BOD1L1: variants seen among roughly 807,000 people sequenced by gnomAD.
BOD1L1 encodes biorientation of chromosomes in cell division 1 like 1, also known as biorientation of chromosomes in cell division protein 1-like 1.
BOD1L1 carries 86 observed loss-of-function variants against 240.7 expected under a neutral mutation model. The ratio of observed to expected loss-of-function variants is 0.36; its 90% CI spans 0.30 to 0.43. The LOEUF is 0.43. Ranked by LOEUF, BOD1L1 falls within the 20% of genes least tolerant of loss-of-function variation. The pLI, the probability that BOD1L1 is intolerant of heterozygous loss-of-function variation, is 1.00. For synonymous variants in BOD1L1, 1,268 were observed against 1,272.3 expected (o/e 1.00, Z 0.07); for missense variants, 3,554 against 3,643.5 (o/e 0.98, Z 0.63).
At chr4:13,609,466 TG>T in intron 6 of BOD1L1, 60 bp from the exon 7 acceptor site, 6 of 1,152,096 alleles carry the variant, frequency 5.2e-6, no homozygotes, top group Non-Finnish European at 7.1e-6. Context: ...ACTGAAAAAT[TG>T]TATTTTTTTT....
At position 13,613,640 on chromosome 4, in the gene BOD1L1, T is replaced by C. The variant is rs1459207798; in HGVS notation, c.1196A>G (p.Asp399Gly). Residue 399 changes from aspartate (D) to glycine (G), a missense_variant, in exon 5 of 26, where the codon GAT (aspartate) becomes GGT (glycine). Coordinates refer to ENST00000040738, the MANE Select transcript of BOD1L1 (RefSeq NM_148894.3). This position sits in a 1 kb window ranked among gnomAD's most constrained non-coding sequence, Gnocchi z 4.0. ...TGTGATGTCTGTAAGTCCATCCACA[T>C]CAGAATCTATCAAAGAGAAATCTTC... ...TKEDFSLIDS[D>G]VDGLTDITVS... is the part of the protein sequence containing the mutation. The C allele has an allele frequency of 6.4e-7, 1 of 1,554,934 alleles. No individual in the cohort carries two copies. The highest frequency in any genetic ancestry group is 8.7e-7 in the Non-Finnish European group (1 of 1,146,676).
In BOD1L1 at chr4:13,599,421, C is replaced by G. The variant is rs1714905293; in HGVS notation, c.7479G>C (p.Arg2493Ser). 6.2e-7 allele frequency: 1 copy of G among 1,614,014 alleles called. No homozygotes were observed. The highest frequency in any genetic ancestry group is 1.7e-5 in the Admixed American group (1 of 60,020). ...GSSTASYSAG[R>S]GLEGNANSPA... The stretch of plus-strand genomic sequence containing the variant: ...GTGAGTTAGCATTCCCCTCTAAGCC[C>G]CTTCCTGCTGAATAACTTGCTGTGC... The change falls in exon 10 of 26, where the codon AGG becomes AGC. Residue 2493 changes from arginine (R) to serine (S), a missense_variant. Physicochemically the swap from Arg to Ser is moderately radical, Grantham distance 110. Around this residue, in one of 2 missense-constraint regions of BOD1L1, gnomAD observed 3,393 missense variants for 3,427.1 expected, o/e 0.99. Transcript: ENST00000040738.
At position 13,602,642 on chromosome 4, in the gene BOD1L1, G is replaced by T. The variant is rs1172630784; in HGVS notation, c.4258C>A (p.Pro1420Thr). 2 of 1,613,884 alleles carry T rather than the reference G, an allele frequency of 1.2e-6. No individual in the cohort carries two copies. Among genetic ancestry groups the T allele is most frequent in the South Asian group, 1.1e-5 (1 of 91,074 alleles). The change falls in exon 10 of 26, where the codon CCC (proline) becomes ACC (threonine). Residue 1420 changes from proline to threonine, a missense_variant. This residue lies in a region of BOD1L1 where 3,393 missense variants were observed against 3,427.1 expected (regional missense o/e 0.99). Transcript: ENST00000040738. Reference sequence around the variant, plus strand: ...GCTTTAATTGTCTGCTTTAAATTGGGCTCTGCATTTAAGTCATTTTCTTTC... The same window carrying T: ...GCTTTAATTGTCTGCTTTAAATTGGTCTCTGCATTTAAGTCATTTTCTTTC... ...AKKENDLNAE[P>T]NLKQTIKATV...
At chr4:13,577,338 G>T in intron 24 of BOD1L1, 65 bp downstream of exon 24, 1 of 1,423,524 alleles carries the variant, frequency 7.0e-7, no homozygotes, top group Non-Finnish European at 9.6e-7. Flanking sequence ...CTCATTCAAA[G>T]AAAAACTCTT....
chr4:13,608,464 A>G (rs1715893546), intron 8 of BOD1L1, 66 bp downstream of exon 8: 1 of 1,349,332 alleles, frequency 7.4e-7, no homozygotes, highest in Non-Finnish European at 9.7e-7. Flanking sequence ...TGTCACTTCA[A>G]TTCCTCTCTT....
intron 14 of BOD1L1, among the ~76,000 whole-genome samples, chr4:13,589,244 T>C (rs1027921990): frequency 2.0e-5 from 3 of 152,184 alleles, no homozygotes; most frequent in African/African-American, 7.2e-5. Flanking sequence ...TTGGGGTCAA[T>C]TTAGCACATG....
rs1404706823 is a variant in BOD1L1 at position 13,599,928 on chromosome 4, C to T, written c.6972G>A (p.Leu2324=). The T allele has an allele frequency of 6.2e-7, 1 of 1,613,370 alleles. No homozygotes were observed. The highest frequency in any genetic ancestry group is 8.5e-7 in the Non-Finnish European group (1 of 1,179,686). Residue 2324 remains leucine, a synonymous_variant, in exon 10 of 26, where the codon TTG becomes TTA. Transcript: ENST00000040738. ...TGGTGGAGATGATGGCAGCATCGCT[C>T]AAGTCTTCTACTCTTGTGATGGTGA... ...DRLTITRVED[L]SDAAIISTST...
In BOD1L1 at chr4:13,569,197, G is replaced by C. The variant is rs915403051; in HGVS notation, c.*814C>G. ...AGAAGCTTCAGAACAGCACAGAAGAGGAATGAACACAGAGAAGAGGAATGA... is the reference window on the plus strand; with the variant it reads ...AGAAGCTTCAGAACAGCACAGAAGACGAATGAACACAGAGAAGAGGAATGA... On this transcript the variant is annotated 3_prime_UTR_variant, in exon 26 of 26. Transcript: ENST00000040738. The C allele has an allele frequency of 1.3e-5, 2 of 152,278 alleles. No homozygotes were observed. Among genetic ancestry groups the C allele is most frequent in the East Asian group, 3.9e-4 (2 of 5,184 alleles). The allele number at this position is 152,278 out of a possible 1,614,324, so 9.4% of individuals were successfully genotyped here.
chr4:13,613,722 G>C lies in BOD1L1; in HGVS notation c.1175-61C>G. 7.7e-7 allele frequency: 1 copy of C among 1,290,394 alleles called. No individual in the cohort carries two copies. Among genetic ancestry groups the C allele is most frequent in the South Asian group, 2.1e-5 (1 of 47,040 alleles). The allele number at this position is 1,290,394 out of a possible 1,614,324, so 79.9% of individuals were successfully genotyped here. ...ATCTTATTATAAGAACATACTCAGA[G>C]CTCAATTACTAAATTACACTTAAAA... On this transcript the variant is annotated intron_variant, in intron 4 of 25. Transcript: ENST00000040738. This position sits in a 1 kb window ranked among gnomAD's most constrained non-coding sequence, Gnocchi z 4.0.
At position 13,581,025 on chromosome 4, in the gene BOD1L1, C is replaced by T. The variant is rs1713184054; in HGVS notation, c.8698G>A (p.Val2900Ile). The T allele has an allele frequency of 6.4e-7, 1 of 1,573,996 alleles. No homozygotes were observed. Among genetic ancestry groups the T allele is most frequent in the South Asian group, 1.2e-5 (1 of 85,202 alleles). ...KDDSKTDTGI[V>I]TVEQSPSSSK... ...CATGTTTTGCAATTACTTACAGTGA[C>T]AATGCCAGTATCTGTTTTGGAGTCG... Residue 2900 changes from valine to isoleucine, a missense_variant, in exon 21 of 26, where the codon GTC (valine) becomes ATC (isoleucine). Physicochemically the swap from Val to Ile is conservative, Grantham distance 29 (BLOSUM62 3). Coordinates refer to ENST00000040738, the MANE Select transcript of BOD1L1 (RefSeq NM_148894.3).
chr4:13,577,653 TG>T (rs1370541259), intron 22 of BOD1L1, 22 bp from the exon 23 acceptor site: 1 of 1,509,292 alleles, frequency 6.6e-7, no homozygotes, highest in Non-Finnish European at 9.0e-7. Context: ...GGGAAATCTC[TG>T]CATTAATATT....
Position 13,610,964 on chromosome 4 carries a change from C to G in BOD1L1, c.1461G>C (p.Glu487Asp), listed in dbSNP as rs536964051. ...YSKYYSDSDD[E>D]LTVEQRRQSI... ...ACTGTCGTCGTTGTTCTACAGTAAG[C>G]TCATCATCAGAATCACTATAGTATT... is the stretch of plus-strand genomic sequence containing the variant. The change falls in exon 6 of 26, where the codon GAG becomes GAC. Residue 487 changes from glutamate (E) to aspartate (D), a missense_variant. This residue lies in a region of BOD1L1 where 3,393 missense variants were observed against 3,427.1 expected (regional missense o/e 0.99). Transcript: ENST00000040738. 2 of 1,610,422 alleles carry G rather than the reference C, an allele frequency of 1.2e-6. No individual in the cohort carries two copies. The highest frequency in any genetic ancestry group is 1.7e-6 in the Non-Finnish European group (2 of 1,178,768).
At chr4:13,574,784 T>C (rs1475155709) in intron 25 of BOD1L1, among the ~76,000 whole-genome samples, 2 of 152,214 alleles carry the variant, frequency 1.3e-5, no homozygotes, top group African/African-American at 4.8e-5. Flanking sequence ...ACCTTATAAC[T>C]TTAGCCGTGT....
rs560900038 is a variant in BOD1L1 at position 13,569,686 on chromosome 4, C to T, written c.*325G>A. On this transcript the variant is annotated 3_prime_UTR_variant, in exon 26 of 26. Coordinates refer to ENST00000040738, the MANE Select transcript of BOD1L1 (RefSeq NM_148894.3). ...CACAGATTACCAGTAGGCAGCCTGGCGTCTGATGGGCTGGAGGGGTTTGCA... is the reference window on the plus strand; with the variant it reads ...CACAGATTACCAGTAGGCAGCCTGGTGTCTGATGGGCTGGAGGGGTTTGCA... The T allele has an allele frequency of 1.5e-3, 279 of 183,798 alleles. 2 individuals are homozygous for T. The highest frequency in any genetic ancestry group is 1.5e-3 in the Non-Finnish European group (138 of 89,554). The allele number at this position is 183,798 out of a possible 1,614,324, so 11.4% of individuals were successfully genotyped here. A position where few individuals can be genotyped will look rare whatever the true frequency, so the allele number is the denominator to read the frequency against.
intron 14 of BOD1L1, 68 bp from the exon 15 acceptor site, chr4:13,588,860 A>T (rs920807844): frequency 1.9e-5 from 23 of 1,183,888 alleles, no homozygotes; most frequent in Middle Eastern, 5.6e-4. Flanking sequence ...TTACTTAGGT[A>T]TGTGTTAGGG....
intron 10 of BOD1L1, among the ~76,000 whole-genome samples, chr4:13,597,782 T>C (rs1486959715): frequency 1.3e-5 from 2 of 152,208 alleles, no homozygotes; most frequent in Non-Finnish European, 2.9e-5. Flanking sequence ...TCATAAAAAC[T>C]TCTGGAGCAT....
At chr4:13,582,582 G>A (rs1224592745) in intron 18 of BOD1L1, 70 bp downstream of exon 18, 27 of 1,178,826 alleles carry the variant, frequency 2.3e-5, no homozygotes, top group Middle Eastern at 2.0e-4. Context: ...CAAAATAGAC[G>A]TTTCGGTTGA....
chr4:13,577,317 T>G lies in BOD1L1; in HGVS notation c.8884+86A>C, dbSNP rs148654364. On this transcript the variant is annotated intron_variant, in intron 24 of 25. Transcript: ENST00000040738. ...ATAATATTAATATTAGCTGTACCCA[T>G]TGGATTTTTCCTCATTCAAAGAAAA... is the stretch of plus-strand genomic sequence containing the variant. The G allele has an allele frequency of 2.9e-4, 320 of 1,111,594 alleles. No homozygotes were observed. The East Asian group carries it at 7.0e-3, about 24-fold the overall frequency. 68.9% of individuals were successfully genotyped at this position (1,111,594 alleles called of 1,614,324 possible).
chr4:13,607,323 G>T, intron 8 of BOD1L1, 134 bp from the exon 9 acceptor site: 1 of 326,860 alleles, frequency 3.1e-6, no homozygotes, highest in Non-Finnish European at 4.9e-6. Context: ...TTTTGAGGTG[G>T]AGTCTTGCTC....
Sources: allele counts gnomAD v4.1 joint callset (sites outside exome capture counted in the v4.1 genomes callset), GRCh38; gene constraint gnomAD v4.1.1; regional missense constraint gnomAD v4.1.1; non-coding constraint Gnocchi (gnomAD v3.1); transcripts MANE v1.5; gene names NCBI Gene and HGNC (gene_info 2026-07-23, HGNC 2026-07-21).